Variants in FAT3 observed in about 807,000 individuals in gnomAD.
FAT3 encodes the protein protocadherin Fat 3.
Under a neutral mutation model 310.2 loss-of-function variants are expected in FAT3, and 95 were observed. That is an observed-to-expected ratio of 0.31 (90% CI 0.26 to 0.36). The LOEUF is 0.36. Ranked by LOEUF, FAT3 falls within the 10% of genes least tolerant of loss-of-function variation. The pLI, the probability that FAT3 is intolerant of heterozygous loss-of-function variation, is 1.00. For synonymous variants in FAT3, 2,314 were observed against 2,192.9 expected (o/e 1.06, Z -1.54); for missense variants, 5,408 against 5,715.6 (o/e 0.95, Z 1.74).
Position 92,352,196 on chromosome 11 carries a change from T to C in FAT3, c.84T>C (p.Thr28=), listed in dbSNP as rs547382083. 2.9e-6 allele frequency: 4 copies of C among 1,375,842 alleles called. No homozygotes were observed. The highest frequency in any genetic ancestry group is 4.5e-5 in the East Asian group (1 of 22,412). The allele number at this position is 1,375,842 out of a possible 1,614,324, so 85.2% of individuals were successfully genotyped here. A position where few individuals can be genotyped will look rare whatever the true frequency, so the allele number is the denominator to read the frequency against. Reference sequence around the variant, plus strand: ...TCCTGCTTTTCAAGCTTTTGGCCACTGTCTCCCAGGGGCTGCCAGGGACTG... The same window carrying C: ...TCCTGCTTTTCAAGCTTTTGGCCACCGTCTCCCAGGGGCTGCCAGGGACTG... ...LILLLFKLLA[T]VSQGLPGTGP... The change falls in exon 2 of 28, where the codon ACT becomes ACC. Residue 28 remains threonine (T), a synonymous_variant. Coordinates refer to ENST00000525166, the MANE Select transcript of FAT3 (RefSeq NM_001367949.2).
intron 2 of FAT3, among the ~76,000 whole-genome samples, chr11:92,511,444 A>G (rs1953287449): frequency 6.6e-6 from 1 of 152,054 alleles, no homozygotes; most frequent in Non-Finnish European, 1.5e-5. Context: ...AGACATTCCA[A>G]CTTGGCTAAA....
chr11:92,659,981 C>T (rs1460105770), intron 3 of FAT3, among the ~76,000 whole-genome samples: 8 of 152,136 alleles, frequency 5.3e-5, no homozygotes, highest in East Asian at 3.8e-4. Context: ...TTGTGGTTTT[C>T]GCTTAGCCAA....
intron 3 of FAT3, among the ~76,000 whole-genome samples, chr11:92,666,691 G>A (rs1347966777): frequency 6.6e-6 from 1 of 152,034 alleles, no homozygotes; most frequent in Non-Finnish European, 1.5e-5. Flanking sequence ...TTCTTAAGGG[G>A]TAGGTTTCTG....
chr11:92,612,380 A>G (rs1250377590), intron 3 of FAT3, among the ~76,000 whole-genome samples: 1 of 152,194 alleles, frequency 6.6e-6, no homozygotes, highest in Non-Finnish European at 1.5e-5. Flanking sequence ...TCTCAATTAG[A>G]AGAATAAGAG....
At chr11:92,453,820 G>A (rs749690831) in intron 2 of FAT3, among the ~76,000 whole-genome samples, 1 of 152,068 alleles carries the variant, frequency 6.6e-6, no homozygotes, top group Non-Finnish European at 1.5e-5. Context: ...ACGCAGTGTT[G>A]TACAACCATA....
chr11:92,600,105 GT>G, intron 3 of FAT3, among the ~76,000 whole-genome samples: 1 of 152,178 alleles, frequency 6.6e-6, no homozygotes, highest in East Asian at 1.9e-4. Context: ...TCTTGTATCT[GT>G]TTTTTTCTTT....
intron 4 of FAT3, among the ~76,000 whole-genome samples, chr11:92,714,130 T>A (rs1379951115): frequency 6.6e-6 from 1 of 152,176 alleles, no homozygotes; most frequent in Admixed American, 6.5e-5. Context: ...TTTTATAGAC[T>A]GTTTGTATTA....
At chr11:92,396,202 T>C (rs1949865301) in intron 2 of FAT3, among the ~76,000 whole-genome samples, 1 of 152,186 alleles carries the variant, frequency 6.6e-6, no homozygotes. Context: ...ATTTTACAAC[T>C]TTAATGCTCA....
chr11:92,643,035 A>C (rs746628297), intron 3 of FAT3, among the ~76,000 whole-genome samples: 1 of 152,352 alleles, frequency 6.6e-6, no homozygotes, highest in African/African-American at 2.4e-5. Flanking sequence ...CAGGATGCTT[A>C]TCTTTTGCTT....
At chr11:92,475,509 T>C (rs1480672830) in intron 2 of FAT3, among the ~76,000 whole-genome samples, 2 of 151,592 alleles carry the variant, frequency 1.3e-5, no homozygotes, top group African/African-American at 4.8e-5. Context: ...CTGGCTGTGG[T>C]TTCATGGCCC....
chr11:92,432,565 C>T (rs1210337398), intron 2 of FAT3, among the ~76,000 whole-genome samples: 1 of 152,110 alleles, frequency 6.6e-6, no homozygotes, highest in African/African-American at 2.4e-5. Context: ...TACTCCAGAC[C>T]CTGTTTGCCT....
intron 10 of FAT3, among the ~76,000 whole-genome samples, chr11:92,802,146 A>G (rs1325139512): frequency 3.3e-5 from 5 of 152,192 alleles, no homozygotes; most frequent in Non-Finnish European, 7.3e-5. Flanking sequence ...CCATATTGGT[A>G]ACTAGTCTTT....
intron 4 of FAT3, among the ~76,000 whole-genome samples, chr11:92,746,641 C>T (rs368455713): frequency 2.6e-5 from 4 of 152,150 alleles, no homozygotes; most frequent in African/African-American, 9.7e-5. Flanking sequence ...TCCAAAGTCT[C>T]ATCTGAGACA....
At chr11:92,843,644 G>A (rs972396013) in intron 18 of FAT3, among the ~76,000 whole-genome samples, 2 of 152,212 alleles carry the variant, frequency 1.3e-5, no homozygotes, top group Non-Finnish European at 2.9e-5. Flanking sequence ...TCAGCCTGTT[G>A]TGGGCATGTT....
intron 3 of FAT3, among the ~76,000 whole-genome samples, chr11:92,527,618 A>G (rs188792065): frequency 5.3e-5 from 8 of 152,306 alleles, no homozygotes; most frequent in South Asian, 2.1e-4. Context: ...CAGAACTCCA[A>G]GTCTGGTGAA....
chr11:92,703,032 A>G (rs1053211429), intron 4 of FAT3, among the ~76,000 whole-genome samples: 33 of 152,364 alleles, frequency 2.2e-4, no homozygotes, highest in African/African-American at 7.2e-4. Context: ...GACTAGATCC[A>G]TAGGAATGTA....
intron 20 of FAT3, 99 bp downstream of exon 20, chr11:92,857,447 C>A: frequency 6.6e-7 from 1 of 1,516,638 alleles, no homozygotes; most frequent in Non-Finnish European, 8.9e-7. Context: ...GAAAACGTTT[C>A]TTTATGCATG....
chr11:92,248,025 A>T (rs1365490427), intron 1 of FAT3, among the ~76,000 whole-genome samples: 2 of 152,164 alleles, frequency 1.3e-5, no homozygotes, highest in African/African-American at 2.4e-5. Context: ...ATTAAATAAG[A>T]ATAACATTTA....
chr11:92,588,379 G>C (rs576855022), intron 3 of FAT3, among the ~76,000 whole-genome samples: 1 of 151,824 alleles, frequency 6.6e-6, no homozygotes, highest in African/African-American at 2.4e-5. Context: ...ACTAAATCCA[G>C]TTACACATGT....
Sources: gnomAD v4.1 joint callset for allele counts (sites outside exome capture counted in the v4.1 genomes callset) on GRCh38, gnomAD v4.1.1 for gene constraint, MANE v1.5 for transcripts, NCBI Gene and HGNC (gene_info 2026-07-23, HGNC 2026-07-21) for gene names.